The following SOS2 variants were observed in gnomAD, a reference collection of about 807,000 sequenced individuals.
SOS2 encodes SOS Ras/Rho guanine nucleotide exchange factor 2.
SOS2 carries 65 observed loss-of-function variants against 148.2 expected under a neutral mutation model. The observed-to-expected ratio is 0.44, with a 90% confidence interval of 0.36 to 0.54. The LOEUF (loss-of-function observed/expected upper bound fraction) is 0.54, where lower values mean the gene tolerates loss of function less well. Ranked by LOEUF, SOS2 falls within the 20% of genes least tolerant of loss-of-function variation. The pLI is 0.00. For synonymous variants in SOS2, 539 were observed against 537.1 expected, an observed-to-expected ratio of 1.00 and a Z score of -0.05; for missense variants, 1,341 against 1,590.2, an observed-to-expected ratio of 0.84 and a Z score of 2.67.
At chr14:50,140,877 T>G (rs1453908039) in intron 16 of SOS2, among the ~76,000 whole-genome samples, 1 of 152,064 alleles carries the variant, frequency 6.6e-6, no homozygotes, top group African/African-American at 2.4e-5. Flanking sequence ...CAACTGCATT[T>G]CTAGATATCA....
chr14:50,171,121 A>G (rs932658458), intron 8 of SOS2, among the ~76,000 whole-genome samples: 4 of 152,070 alleles, frequency 2.6e-5, no homozygotes, highest in Admixed American at 1.3e-4. Flanking sequence ...TCTCAAAAAA[A>G]AAAAAGAAAA....
At chr14:50,226,011 C>A (rs986687369) in intron 1 of SOS2, among the ~76,000 whole-genome samples, 2 of 151,962 alleles carry the variant, frequency 1.3e-5, no homozygotes, top group African/African-American at 4.8e-5. Context: ...ATCCTTCCCC[C>A]CCGCCCTTTT....
At chr14:50,161,399 A>G (rs1885004665) in intron 9 of SOS2, 83 bp downstream of exon 9, 3 of 1,083,050 alleles carry the variant, frequency 2.8e-6, no homozygotes, top group East Asian at 2.5e-5. Context: ...AACTATCACA[A>G]TAAATCACAC....
intron 10 of SOS2, 112 bp downstream of exon 10, chr14:50,159,319 T>C: frequency 1.6e-6 from 1 of 612,542 alleles, no homozygotes; most frequent in East Asian, 2.7e-5. Context: ...GCAGTATTTT[T>C]ATATTTTGGA....
At chr14:50,137,988 C>T (rs1296280249) in intron 18 of SOS2, among the ~76,000 whole-genome samples, 2 of 151,812 alleles carry the variant, frequency 1.3e-5, no homozygotes, top group Non-Finnish European at 2.9e-5. Flanking sequence ...TACAGGCACC[C>T]GCCACCATGC....
chr14:50,209,319 G>GTGTGTGTGTGTGTGTGTGTGTGTGTGTC (rs1566481183), intron 1 of SOS2, among the ~76,000 whole-genome samples: 2 of 139,398 alleles, frequency 1.4e-5, no homozygotes, highest in African/African-American at 2.8e-5. Flanking sequence ...GTGTGTGTGT[G>GTGTGTGTGTGTGTGTGTGTGTGTGTGTC]TGTCTCCTAT....
At chr14:50,184,066 T>C (rs537473347) in intron 5 of SOS2, among the ~76,000 whole-genome samples, 10 of 152,306 alleles carry the variant, frequency 6.6e-5, no homozygotes, top group South Asian at 4.1e-4. Context: ...TCTAAACATA[T>C]CTATATAGAG....
At position 50,127,838 on chromosome 14, in the gene SOS2, G is replaced by A. The variant is rs146139423; in HGVS notation, c.3379+2123C>T. ...CAGGCATTTAAAAATTATGTACTGA[G>A]TAAGTAAATGAATGGTATTAGACTT... On this transcript the variant is annotated intron_variant, in intron 21 of 22. Coordinates refer to ENST00000216373, the MANE Select transcript of SOS2 (RefSeq NM_006939.4). Among the ~76,000 whole-genome samples the A allele has an allele frequency of 3.5e-3, 535 of 152,298 alleles. 3 individuals are homozygous for A. The highest frequency in any genetic ancestry group is 0.012 in the African/African-American group (508 of 41,572).
intron 8 of SOS2, among the ~76,000 whole-genome samples, chr14:50,166,615 T>C (rs1247430439): frequency 6.6e-6 from 1 of 152,226 alleles, no homozygotes; most frequent in Non-Finnish European, 1.5e-5. Context: ...TCTATAAGTG[T>C]ATCCTGTCTA....
At chr14:50,145,673 A>C in intron 14 of SOS2, 77 bp from the exon 15 acceptor site, 1 of 958,742 alleles carries the variant, frequency 1.0e-6, no homozygotes, top group Non-Finnish European at 1.5e-6. Context: ...ACTTAATAAG[A>C]AAAAGACAAT....
intron 8 of SOS2, among the ~76,000 whole-genome samples, chr14:50,172,478 A>G (rs1379752172): frequency 8.3e-6 from 1 of 119,812 alleles, no homozygotes; most frequent in Non-Finnish European, 1.6e-5. Flanking sequence ...CTCCTGCCTC[A>G]GCCTCCTGAG....
intron 19 of SOS2, among the ~76,000 whole-genome samples, chr14:50,133,483 A>G (rs1883973541): frequency 6.6e-6 from 1 of 152,052 alleles, no homozygotes; most frequent in African/African-American, 2.4e-5. Context: ...TACAGGTGTG[A>G]GCCACCATGC....
chr14:50,227,176 T>C (rs1460539833), intron 1 of SOS2, among the ~76,000 whole-genome samples: 1 of 152,164 alleles, frequency 6.6e-6, no homozygotes, highest in East Asian at 1.9e-4. Context: ...GAACACCACA[T>C]TTCTATTCCC....
intron 21 of SOS2, among the ~76,000 whole-genome samples, chr14:50,126,199 G>A (rs1883674656): frequency 6.6e-6 from 1 of 152,112 alleles, no homozygotes; most frequent in African/African-American, 2.4e-5. Flanking sequence ...TCAGAAAAGA[G>A]ACAACACTAG....
chr14:50,203,904 T>C (rs1886584294), intron 2 of SOS2, among the ~76,000 whole-genome samples: 1 of 152,012 alleles, frequency 6.6e-6, no homozygotes, highest in African/African-American at 2.4e-5. Context: ...TACTATGTTT[T>C]GAGTCCTCTC....
intron 13 of SOS2, 62 bp from the exon 14 acceptor site, chr14:50,150,292 A>T (rs1419270941): frequency 8.9e-7 from 1 of 1,118,206 alleles, no homozygotes; most frequent in Non-Finnish European, 1.3e-6. Flanking sequence ...GCAAATCTTC[A>T]TTTAATCCTT....
intron 5 of SOS2, among the ~76,000 whole-genome samples, chr14:50,183,173 T>G (rs1885798046): frequency 6.6e-6 from 1 of 152,160 alleles, no homozygotes; most frequent in Non-Finnish European, 1.5e-5. Flanking sequence ...GAGTAAAATA[T>G]GAATGTTTAC....
chr14:50,146,861 ATG>A (rs982095523), intron 14 of SOS2, among the ~76,000 whole-genome samples: 1 of 152,100 alleles, frequency 6.6e-6, no homozygotes, highest in Non-Finnish European at 1.5e-5. Flanking sequence ...AGTAAAAAGC[ATG>A]TTGCAGAATG....
At chr14:50,178,978 G>A (rs1407046909) in intron 7 of SOS2, among the ~76,000 whole-genome samples, 5 of 151,824 alleles carry the variant, frequency 3.3e-5, no homozygotes, top group East Asian at 1.9e-4. Flanking sequence ...CAGGTGATCC[G>A]ATCCACCCAC....
Sources: gnomAD v4.1 joint callset for allele counts (sites outside exome capture counted in the v4.1 genomes callset) on GRCh38, gnomAD v4.1.1 for gene constraint, MANE v1.5 for transcripts, NCBI Gene and HGNC (gene_info 2026-07-23, HGNC 2026-07-21) for gene names.